ABI2: variants seen among roughly 807,000 people sequenced by gnomAD.
ABI2 encodes the protein abelson interactor 2.
ABI2 carries 25 observed loss-of-function variants against 59.2 expected under a neutral mutation model. The ratio of observed to expected loss-of-function variants is 0.42; its 90% CI spans 0.31 to 0.59. ABI2 has a LOEUF of 0.59. Among genes scored for constraint, ABI2 ranks in the 20% least tolerant of loss-of-function variants. The pLI is 0.14. For synonymous variants in ABI2, 213 were observed against 235.5 expected (o/e 0.90, Z 0.87); for missense variants, 545 against 681.8 (o/e 0.80, Z 2.23).
rs750379504 is a variant in ABI2 at position 203,395,448 on chromosome 2, T to TATATATATACACACAC, written c.726-207_726-206insTATATATACACACACA. Among the ~76,000 whole-genome samples the TATATATATACACACAC allele has an allele frequency of 2.3e-3, 270 of 115,300 alleles. 1 individual carries two copies. The highest frequency in any genetic ancestry group is 3.3e-3 in the Non-Finnish European group (187 of 56,560). 75.6% of individuals were successfully genotyped at this position (115,300 alleles called of 152,430 possible). ...TAATAAGTAAATATATATATATATA[T>TATATATATACACACAC]ACACACACACACACACACACACACA... is the stretch of plus-strand genomic sequence containing the variant. On this transcript the variant is annotated intron_variant, in intron 6 of 11. Coordinates refer to ENST00000261018, the MANE Select transcript of ABI2 (RefSeq NM_001375670.1).
intron 1 of ABI2, among the ~76,000 whole-genome samples, chr2:203,362,174 A>G (rs1372833362): frequency 6.6e-6 from 1 of 152,132 alleles, no homozygotes; most frequent in Non-Finnish European, 1.5e-5. Flanking sequence ...TGTGGCAAAA[A>G]CTTTTGTACT....
chr2:203,401,046 G>T (rs1359569690), intron 8 of ABI2, among the ~76,000 whole-genome samples: 1 of 152,038 alleles, frequency 6.6e-6, no homozygotes, highest in African/African-American at 2.4e-5. Flanking sequence ...ATAACCTTAG[G>T]CACAAATGGA....
At chr2:203,338,967 T>TATATATATATATAA (rs2078092870) in intron 1 of ABI2, among the ~76,000 whole-genome samples, 4 of 10,008 alleles carry the variant, frequency 4.0e-4, no homozygotes, top group African/African-American at 1.0e-3. Flanking sequence ...TATATAAATA[T>TATATATATATATAA]ATATATATAT....
intron 1 of ABI2, among the ~76,000 whole-genome samples, chr2:203,350,862 TTGTGTG>T (rs200198424): frequency 1.1e-3 from 151 of 137,910 alleles, no homozygotes; most frequent in Non-Finnish European, 1.9e-3. Flanking sequence ...GTTGTGTGTT[TTGTGTG>T]TGTGTGTGTG....
chr2:203,349,009 T>C lies in ABI2; in HGVS notation c.118-17868T>C, dbSNP rs78300893. ...GTGCAATGGTGTGATCTCGGCTCAC[T>C]GCAGCCTCTACCTCGTGGGTTCAAG... is the stretch of plus-strand genomic sequence containing the variant. On this transcript the variant is annotated intron_variant, in intron 1 of 11. Coordinates refer to ENST00000261018, the MANE Select transcript of ABI2 (RefSeq NM_001375670.1). Among the ~76,000 whole-genome samples the C allele has an allele frequency of 5.4e-3, 813 of 151,916 alleles. 2 individuals are homozygous for C. The highest frequency in any genetic ancestry group is 8.1e-3 in the Non-Finnish European group (548 of 67,942).
chr2:203,363,686 A>G (rs927269411), intron 1 of ABI2, among the ~76,000 whole-genome samples: 1 of 152,148 alleles, frequency 6.6e-6, no homozygotes, highest in Non-Finnish European at 1.5e-5. Flanking sequence ...AGTTCCATCT[A>G]TGTTGTTGCA....
chr2:203,373,484 GGGGAGA>G (rs891277498), intron 2 of ABI2, among the ~76,000 whole-genome samples: 68 of 151,274 alleles, frequency 4.5e-4, no homozygotes, highest in South Asian at 1.2e-3. Flanking sequence ...CATGGGCCGT[GGGGAGA>G]GGGAGAGGGA....
At chr2:203,391,221 T>C in intron 5 of ABI2, 78 bp downstream of exon 5, 1 of 1,015,394 alleles carries the variant, frequency 9.8e-7, no homozygotes, top group Non-Finnish European at 1.4e-6. Context: ...TTAAATTATT[T>C]TTTGAATATT....
intron 4 of ABI2, among the ~76,000 whole-genome samples, chr2:203,388,710 C>T (rs1279080176): frequency 1.3e-5 from 2 of 151,776 alleles, no homozygotes; most frequent in African/African-American, 2.4e-5. Context: ...AATAAATGTC[C>T]ACCAGATTTT....
At chr2:203,394,934 C>T in intron 6 of ABI2, 88 bp downstream of exon 6, 1 of 1,441,864 alleles carries the variant, frequency 6.9e-7, no homozygotes, top group Non-Finnish European at 9.6e-7. Context: ...ATTTTCCAAG[C>T]ACTAAGTTCT....
chr2:203,354,180 A>AC (rs2152797535), intron 1 of ABI2, among the ~76,000 whole-genome samples: 1 of 152,186 alleles, frequency 6.6e-6, no homozygotes, highest in African/African-American at 2.4e-5. Flanking sequence ...AGTAGCTGGG[A>AC]CTACAGGCAC....
chr2:203,382,079 G>A, intron 3 of ABI2, 110 bp from the exon 4 acceptor site: 1 of 879,462 alleles, frequency 1.1e-6, no homozygotes, highest in Non-Finnish European at 1.7e-6. Flanking sequence ...AATGCTGAAT[G>A]CTTAACTTGT....
At chr2:203,412,817 G>T (rs2097732818) in intron 10 of ABI2, among the ~76,000 whole-genome samples, 1 of 152,120 alleles carries the variant, frequency 6.6e-6, no homozygotes, top group East Asian at 1.9e-4. Context: ...CTGTTGCCAG[G>T]TTTTAAAAAA....
In ABI2 at chr2:203,338,620, C is replaced by T. The variant is rs186949296; in HGVS notation, c.117+9989C>T. Among the ~76,000 whole-genome samples, 260 of 152,106 alleles carry T rather than the reference C, an allele frequency of 1.7e-3. 2 individuals are homozygous for T. Among genetic ancestry groups the T allele is most frequent in the African/African-American group, 5.6e-3 (231 of 41,494 alleles). On this transcript the variant is annotated intron_variant, in intron 1 of 11. Coordinates refer to ENST00000261018, the MANE Select transcript of ABI2 (RefSeq NM_001375670.1). ...GCAGAACCAAGAGCCGATTAAACCT[C>T]TTTTCTTTATAAATTACCCAGCCTC...
chr2:203,384,290 G>GTTTTTGTTTTTT (rs2096329612), intron 4 of ABI2, among the ~76,000 whole-genome samples: 1 of 26,114 alleles, frequency 3.8e-5, no homozygotes, highest in African/African-American at 1.6e-4. Context: ...TTTTGTTTTT[G>GTTTTTGTTTTTT]TTTTTTTTTT....
chr2:203,415,547 G>A (rs1004012245), intron 10 of ABI2, among the ~76,000 whole-genome samples: 6 of 142,566 alleles, frequency 4.2e-5, no homozygotes, highest in African/African-American at 1.6e-4. Flanking sequence ...AACCCGGGAG[G>A]CAGAGCTTGC....
At chr2:203,420,304 C>T (rs191102662) in intron 11 of ABI2, among the ~76,000 whole-genome samples, 18 of 152,128 alleles carry the variant, frequency 1.2e-4, no homozygotes, top group Admixed American at 1.1e-3. Context: ...TTTTGTTCTT[C>T]TGGCTCAGTG....
In ABI2 at chr2:203,429,051, G is replaced by A. The variant is rs985943743; in HGVS notation, c.*1699G>A. ...CATTAAAAATCATCAGCATTTAACT[G>A]AGACCCCACTATAGAGTTTCCTTAT... On this transcript the variant is annotated 3_prime_UTR_variant, in exon 12 of 12. Transcript: ENST00000261018. 1.1e-4 allele frequency: 16 copies of A among 152,194 alleles called. No individual in the cohort carries two copies. Among genetic ancestry groups the A allele is most frequent in the African/African-American group, 3.4e-4 (14 of 41,448 alleles). The allele number at this position is 152,194 out of a possible 1,614,324, so 9.4% of individuals were successfully genotyped here.
chr2:203,345,271 G>A (rs1320682881), intron 1 of ABI2, among the ~76,000 whole-genome samples: 3 of 152,182 alleles, frequency 2.0e-5, no homozygotes, highest in East Asian at 1.9e-4. Flanking sequence ...CGCTCACTGC[G>A]AAGGTCTGTG....
Sources: gnomAD v4.1 joint callset for allele counts (sites outside exome capture counted in the v4.1 genomes callset) on GRCh38, gnomAD v4.1.1 for gene constraint, MANE v1.5 for transcripts, NCBI Gene and HGNC (gene_info 2026-07-23, HGNC 2026-07-21) for gene names.